Variants in KCTD14 observed in about 807,000 individuals in gnomAD.
KCTD14 encodes BTB/POZ domain-containing protein KCTD14.
Under a neutral mutation model 5.9 loss-of-function variants are expected in KCTD14, and 7 were observed. The ratio of observed to expected loss-of-function variants is 1.19; its 90% CI spans 0.68 to 2.23. The LOEUF is 2.23. KCTD14 is among the 30% of genes most tolerant of loss of function. The pLI is 0.00. For missense variants in KCTD14, 342 were observed against 332.2 expected, an observed-to-expected ratio of 1.03 and a Z score of -0.23; for synonymous variants, 140 against 133.1, an observed-to-expected ratio of 1.05 and a Z score of -0.36.
intron 1 of KCTD14, among the ~76,000 whole-genome samples, chr11:78,042,377 G>T (rs56361333): frequency 0.1 from 15,671 of 152,050 alleles, 2,677 homozygotes; most frequent in African/African-American, 0.36. Context: ...GCGTGGTGGC[G>T]CATGTCTATA....
At chr11:78,034,154 C>G (rs1857720203) in intron 2 of KCTD14, among the ~76,000 whole-genome samples, 1 of 152,004 alleles carries the variant, frequency 6.6e-6, no homozygotes, top group Admixed American at 6.6e-5. Flanking sequence ...GGGTCTCACT[C>G]TGTCACCCAG....
chr11:78,025,038 A>G (rs1857412964), upstream of KCTD14, among the ~76,000 whole-genome samples: 1 of 145,780 alleles, frequency 6.9e-6, no homozygotes, highest in African/African-American at 2.6e-5. Context: ...ACTCCCCGTT[A>G]TATATATACA....
At chr11:78,025,460 A>G (rs1857441147), upstream of KCTD14, among the ~76,000 whole-genome samples, 1 of 152,022 alleles carries the variant, frequency 6.6e-6, no homozygotes, top group Non-Finnish European at 1.5e-5. Flanking sequence ...GTTAATCTCC[A>G]TTGGGAACAC....
chr11:78,025,132 A>G (rs868655811), upstream of KCTD14, among the ~76,000 whole-genome samples: 134 of 102,764 alleles, frequency 1.3e-3, 1 homozygote, highest in African/African-American at 8.9e-3. Flanking sequence ...ATATATATAT[A>G]TATATATATA....
rs1469126375 is a variant in KCTD14, at chr11:78,016,574, C to A, written c.*19G>T. ...TCATAAGCCACGCCAGAATTCATAACAGTCTCTGCTCCTGAGGATCACCAC... is the reference window on the plus strand; with the variant it reads ...TCATAAGCCACGCCAGAATTCATAAAAGTCTCTGCTCCTGAGGATCACCAC... On this transcript the variant is annotated 3_prime_UTR_variant, in exon 2 of 2. Transcript: ENST00000353172. The A allele has an allele frequency of 6.3e-6, 10 of 1,594,878 alleles. No homozygotes were observed. The South Asian group carries it at 1.1e-4, about 18-fold the overall frequency.
At chr11:78,026,626 A>G (rs7947987), upstream of KCTD14, among the ~76,000 whole-genome samples, 124,048 of 151,838 alleles carry the variant, frequency 0.82, 50,861 homozygotes, top group African/African-American at 0.85. Flanking sequence ...AAGCTTAGTC[A>G]GGCATGGTGA....
chr11:78,026,447 AAAAG>A (rs1857468980), upstream of KCTD14, among the ~76,000 whole-genome samples: 3 of 102,548 alleles, frequency 2.9e-5, no homozygotes, highest in East Asian at 8.8e-4. Flanking sequence ...CATCTCAAAA[AAAAG>A]AAAAGAAAAG....
chr11:78,034,271 T>G (rs9651766), intron 2 of KCTD14, among the ~76,000 whole-genome samples: 1 of 151,902 alleles, frequency 6.6e-6, no homozygotes, highest in African/African-American at 2.4e-5. Context: ...TACAGGTGCA[T>G]AGCACCATGC....
At chr11:78,043,119 G>A (rs1481804279) in intron 1 of KCTD14, among the ~76,000 whole-genome samples, 1 of 152,094 alleles carries the variant, frequency 6.6e-6, no homozygotes, top group East Asian at 1.9e-4. Flanking sequence ...AAAGTGCTGG[G>A]ATTACAGGAG....
At chr11:78,043,035 G>A (rs116163574) in intron 1 of KCTD14, among the ~76,000 whole-genome samples, 335 of 152,356 alleles carry the variant, frequency 2.2e-3, no homozygotes, top group African/African-American at 7.9e-3. Context: ...GGGCACCGTG[G>A]CTCACACCTG....
chr11:78,031,928 T>C (rs745309093), intron 2 of KCTD14, among the ~76,000 whole-genome samples: 25 of 152,206 alleles, frequency 1.6e-4, no homozygotes, highest in Non-Finnish European at 2.8e-4. Context: ...CCATAGGTAA[T>C]GGTGGATCAC....
chr11:78,022,114 CTG>C (rs1857326554), intron 1 of KCTD14, among the ~76,000 whole-genome samples: 1 of 152,132 alleles, frequency 6.6e-6, no homozygotes, highest in South Asian at 2.1e-4. Context: ...TCTTCATTGA[CTG>C]TGAGGTTCCT....
At chr11:78,042,240 G>T (rs1858015542) in intron 1 of KCTD14, among the ~76,000 whole-genome samples, 1 of 152,246 alleles carries the variant, frequency 6.6e-6, no homozygotes, top group Admixed American at 6.5e-5. Flanking sequence ...GGACACGGTG[G>T]CTTACTCCTG....
chr11:78,023,567 T>A (rs1345371426), upstream of KCTD14: 2 of 294,568 alleles, frequency 6.8e-6, no homozygotes, highest in African/African-American at 4.5e-5. Flanking sequence ...CAGGCTGAAG[T>A]GCAGTGGCGG....
exon 2 of KCTD14, chr11:78,038,746 C>G: frequency 6.5e-7 from 1 of 1,535,702 alleles, no homozygotes; most frequent in Non-Finnish European, 8.7e-7. Flanking sequence ...GCAACAGAGG[C>G]CAATGTCACC....
chr11:78,027,392 C>A (rs1282116390), upstream of KCTD14, among the ~76,000 whole-genome samples: 3 of 148,338 alleles, frequency 2.0e-5, no homozygotes, highest in Non-Finnish European at 4.4e-5. Context: ...GAGGCAGAGC[C>A]TCACTCTGTC....
chr11:78,046,112 T>A (rs1858133437), exon 1 of KCTD14: 18 of 985,220 alleles, frequency 1.8e-5, no homozygotes, highest in Non-Finnish European at 2.2e-5. Context: ...CTGCCGAGAT[T>A]TCCCCCAGAA....
chr11:78,023,539 G>A (rs1201355179), upstream of KCTD14: 3 of 395,606 alleles, frequency 7.6e-6, no homozygotes, highest in African/African-American at 2.2e-5. Context: ...TTCAGAGACA[G>A]GGTCTCACTC....
intron 1 of KCTD14, among the ~76,000 whole-genome samples, chr11:78,044,024 A>G (rs1858064108): frequency 6.6e-6 from 1 of 152,182 alleles, no homozygotes; most frequent in African/African-American, 2.4e-5. Context: ...GGGAGAACAG[A>G]GTTAAAACCC....
Sources: allele counts gnomAD v4.1 joint callset (sites outside exome capture counted in the v4.1 genomes callset), GRCh38; gene constraint gnomAD v4.1.1; transcripts MANE v1.5; gene names NCBI Gene and HGNC (gene_info 2026-07-23, HGNC 2026-07-21).